ST8SIA6: variants seen among roughly 807,000 people sequenced by gnomAD.
ST8SIA6 encodes ST8 alpha-N-acetyl-neuraminide alpha-2,8-sialyltransferase 6, also known as alpha-2,8-sialyltransferase 8F.
ST8SIA6 carries 39 observed loss-of-function variants against 33.6 expected under a neutral mutation model. The observed-to-expected ratio is 1.16, with a 90% confidence interval of 0.90 to 1.52. The LOEUF (loss-of-function observed/expected upper bound fraction) is 1.52, where lower values mean the gene tolerates loss of function less well. Ranked by LOEUF, ST8SIA6 falls within the 40% of genes most tolerant of loss-of-function variation. The pLI is 0.00. For missense variants in ST8SIA6, 441 were observed against 443.8 expected (o/e 0.99, Z 0.06); for synonymous variants, 172 against 167.2 (o/e 1.03, Z -0.22).
rs1180114547 is a variant in ST8SIA6, at chr10:17,318,965, A to G, written c.*1913T>C. Among the ~76,000 whole-genome samples the G allele has an allele frequency of 6.6e-6, 1 of 152,178 alleles. No individual in the cohort carries two copies. Among genetic ancestry groups the G allele is most frequent in the East Asian group, 1.9e-4 (1 of 5,184 alleles). ...ACCAGGAAGAAAATGTTAGGATTCA[A>G]TGAGGCACTGTGTCTTTTACTCCCT... On this transcript the variant is annotated 3_prime_UTR_variant, in exon 8 of 8. Coordinates refer to ENST00000377602, the MANE Select transcript of ST8SIA6 (RefSeq NM_001004470.3).
intron 3 of ST8SIA6, among the ~76,000 whole-genome samples, chr10:17,380,018 C>T (rs1343262187): frequency 6.6e-6 from 1 of 152,114 alleles, no homozygotes; most frequent in African/African-American, 2.4e-5. Flanking sequence ...TCTGAGAGCA[C>T]CCTCCAGAGA....
intron 3 of ST8SIA6, among the ~76,000 whole-genome samples, chr10:17,368,158 G>A (rs763342220): frequency 6.0e-5 from 9 of 150,434 alleles, no homozygotes; most frequent in Admixed American, 2.7e-4. Flanking sequence ...CACTTTGGGA[G>A]GCCAAGGCGA....
At chr10:17,370,205 G>A (rs10795482) in intron 3 of ST8SIA6, among the ~76,000 whole-genome samples, 28,822 of 151,874 alleles carry the variant, frequency 0.19, 3,114 homozygotes, top group East Asian at 0.5. Context: ...GGATGGTTTC[G>A]ATCTCCTGAC....
At chr10:17,413,249 A>T (rs1316774188) in intron 2 of ST8SIA6, 1 of 149,508 alleles carries the variant, frequency 6.7e-6, no homozygotes, top group Non-Finnish European at 1.5e-5. Context: ...TCAACTACTT[A>T]TTATCTTTTC....
chr10:17,386,052 G>C (rs1478644994), intron 3 of ST8SIA6, among the ~76,000 whole-genome samples: 1 of 152,102 alleles, frequency 6.6e-6, no homozygotes, highest in Non-Finnish European at 1.5e-5. Flanking sequence ...ATGGTGGCAC[G>C]CACCTGTCTT....
chr10:17,453,503 C>T, intron 2 of ST8SIA6, 56 bp downstream of exon 2: 3 of 1,237,382 alleles, frequency 2.4e-6, no homozygotes, highest in Non-Finnish European at 3.1e-6. Flanking sequence ...AGCCGCGCCC[C>T]ATGCCCGGCT....
chr10:17,322,125 G>A (rs1257678691), intron 7 of ST8SIA6, among the ~76,000 whole-genome samples: 2 of 133,498 alleles, frequency 1.5e-5, no homozygotes, highest in Non-Finnish European at 3.4e-5. Context: ...AGAGAGAGAG[G>A]AAGGAAGGAA....
chr10:17,377,732 T>C (rs1849965229), intron 3 of ST8SIA6, among the ~76,000 whole-genome samples: 2 of 152,208 alleles, frequency 1.3e-5, no homozygotes, highest in South Asian at 4.1e-4. Flanking sequence ...AATCCTATTT[T>C]AGCAATGTGA....
At chr10:17,371,782 TTAAAAA>T (rs1439686103) in intron 3 of ST8SIA6, among the ~76,000 whole-genome samples, 1 of 89,540 alleles carries the variant, frequency 1.1e-5, no homozygotes, top group African/African-American at 4.4e-5. Context: ...CAAGACTCCA[TTAAAAA>T]AAAAAAAAAA....
At chr10:17,374,071 C>CACACACACACA in intron 3 of ST8SIA6, among the ~76,000 whole-genome samples, 1 of 139,114 alleles carries the variant, frequency 7.2e-6, no homozygotes, top group South Asian at 2.5e-4. Flanking sequence ...TCAACAACCA[C>CACACACACACA]CACACACACA....
intron 2 of ST8SIA6, among the ~76,000 whole-genome samples, chr10:17,400,034 C>T (rs12258010): frequency 0.02 from 3,072 of 152,076 alleles, 69 homozygotes; most frequent in East Asian, 0.078. Context: ...TGCAGAGCAC[C>T]ACCACCTTTG....
chr10:17,340,619 A>G (rs1220402981), intron 4 of ST8SIA6, among the ~76,000 whole-genome samples: 1 of 152,142 alleles, frequency 6.6e-6, no homozygotes, highest in African/African-American at 2.4e-5. Flanking sequence ...CCTTCTATAG[A>G]AGTAAAATTG....
chr10:17,441,663 T>G (rs181051801), intron 2 of ST8SIA6, among the ~76,000 whole-genome samples: 8 of 152,040 alleles, frequency 5.3e-5, no homozygotes, highest in African/African-American at 1.7e-4. Context: ...CCAGCACCAT[T>G]TGTTGAAAAC....
chr10:17,441,017 T>C (rs1302827609), intron 2 of ST8SIA6, among the ~76,000 whole-genome samples: 2 of 152,256 alleles, frequency 1.3e-5, no homozygotes, highest in East Asian at 1.9e-4. Context: ...TTTTATTGGA[T>C]GTATGATATA....
chr10:17,355,389 C>T (rs191026494), intron 4 of ST8SIA6, among the ~76,000 whole-genome samples: 21 of 152,284 alleles, frequency 1.4e-4, no homozygotes, highest in Admixed American at 3.9e-4. Flanking sequence ...TGGAAGTCAA[C>T]AAGTAACCAA....
chr10:17,411,660 C>T (rs1020324974), intron 2 of ST8SIA6, among the ~76,000 whole-genome samples: 5 of 152,190 alleles, frequency 3.3e-5, no homozygotes, highest in Non-Finnish European at 7.3e-5. Flanking sequence ...TGTCTTCATT[C>T]TAACTTGGCA....
intron 4 of ST8SIA6, among the ~76,000 whole-genome samples, chr10:17,333,003 T>C (rs1224033376): frequency 6.6e-6 from 1 of 152,168 alleles, no homozygotes; most frequent in Admixed American, 6.6e-5. Context: ...TTCTGTAGGT[T>C]GCCTGTTCAC....
chr10:17,355,064 A>G (rs1849151627), intron 4 of ST8SIA6, among the ~76,000 whole-genome samples: 1 of 152,222 alleles, frequency 6.6e-6, no homozygotes, highest in Non-Finnish European at 1.5e-5. Context: ...TAGCACAACA[A>G]GAAAGTTAAA....
chr10:17,446,265 T>C (rs1017584643), intron 2 of ST8SIA6, among the ~76,000 whole-genome samples: 13 of 152,286 alleles, frequency 8.5e-5, no homozygotes, highest in Middle Eastern at 3.4e-3. Flanking sequence ...AAATATTCTA[T>C]AATGTAGGAG....
Sources: gnomAD v4.1 joint callset for allele counts (sites outside exome capture counted in the v4.1 genomes callset) on GRCh38, gnomAD v4.1.1 for gene constraint, MANE v1.5 for transcripts, NCBI Gene and HGNC (gene_info 2026-07-23, HGNC 2026-07-21) for gene names.